The following EPHA6 variants were observed in gnomAD, a reference collection of about 807,000 sequenced individuals.
The protein encoded by EPHA6 is ephrin type-A receptor 6.
In EPHA6, 50 loss-of-function variants were observed where a neutral mutation model predicts 112.0. The ratio of observed to expected loss-of-function variants is 0.45; its 90% confidence interval spans 0.36 to 0.56. The LOEUF (loss-of-function observed/expected upper bound fraction) is 0.56, where lower values mean the gene tolerates loss of function less well. Among genes scored for constraint, EPHA6 ranks in the 20% least tolerant of loss-of-function variants. The pLI is 0.00. For missense variants in EPHA6, 1,280 were observed against 1,417.4 expected, an observed-to-expected ratio of 0.90 and a Z score of 1.56; for synonymous variants, 529 against 490.7, an observed-to-expected ratio of 1.08 and a Z score of -1.03.
intron 11 of EPHA6, among the ~76,000 whole-genome samples, chr3:97,589,019 T>C (rs1281585901): frequency 6.6e-6 from 1 of 152,200 alleles, no homozygotes; most frequent in Non-Finnish European, 1.5e-5. Flanking sequence ...AGATATTTTG[T>C]TTCCCAGAGT....
intron 5 of EPHA6, among the ~76,000 whole-genome samples, chr3:97,250,158 G>A (rs1183458326): frequency 3.3e-5 from 5 of 152,168 alleles, no homozygotes; most frequent in Admixed American, 6.5e-5. Context: ...GCAGGAATAC[G>A]TCTGGAAAGT....
chr3:97,325,880 A>G (rs2082396341), intron 5 of EPHA6, among the ~76,000 whole-genome samples: 1 of 152,034 alleles, frequency 6.6e-6, no homozygotes, highest in African/African-American at 2.4e-5. Context: ...TGGAATTTTA[A>G]CCTAGGAATC....
intron 3 of EPHA6, among the ~76,000 whole-genome samples, chr3:97,021,951 G>C (rs2044476334): frequency 6.6e-6 from 1 of 152,022 alleles, no homozygotes; most frequent in African/African-American, 2.4e-5. Context: ...CTCAACTATT[G>C]CTTAATCACA....
intron 14 of EPHA6, among the ~76,000 whole-genome samples, chr3:97,685,834 A>G (rs2032205340): frequency 6.6e-6 from 1 of 152,228 alleles, no homozygotes; most frequent in African/African-American, 2.4e-5. Context: ...AACCATGGAG[A>G]AAACCAAGTA....
intron 2 of EPHA6, among the ~76,000 whole-genome samples, chr3:96,924,243 T>C (rs1282362200): frequency 2.0e-5 from 3 of 152,212 alleles, no homozygotes; most frequent in African/African-American, 7.2e-5. Context: ...TTGGGAGATA[T>C]GGCCATTTTC....
At chr3:97,105,280 T>TCCCTCTTAACACTGTCTTAGC (rs1334385554) in intron 3 of EPHA6, among the ~76,000 whole-genome samples, 7 of 152,088 alleles carry the variant, frequency 4.6e-5, no homozygotes, top group Non-Finnish European at 8.8e-5. Context: ...GCTATAAACG[T>TCCCTCTTAACACTGTCTTAGC]CCCTCTTAAC....
rs6790690 is a variant in EPHA6, at chr3:97,524,448, T to A, written c.2201-7910T>A. ...TATATTGTGTATGCTAACCCATTGT[T>A]TATAGCTATAATTGTTTAAATACAT... On this transcript the variant is annotated intron_variant, in intron 10 of 17. Coordinates refer to ENST00000389672, the MANE Select transcript of EPHA6 (RefSeq NM_001080448.3). Among the ~76,000 whole-genome samples, 1,211 of 152,226 alleles carry A rather than the reference T, an allele frequency of 8.0e-3. 18 individuals carry two copies. Among genetic ancestry groups the A allele is most frequent in the African/African-American group, 0.028 (1,158 of 41,584 alleles).
Position 97,546,138 on chromosome 3 carries a change from T to C in EPHA6, c.2386+13595T>C, listed in dbSNP as rs7429484. ...TTAGCTGGTTATTTTGCTCATTAGT[T>C]GATGCAGTTTCTTCCTAGCCTTGAT... On this transcript the variant is annotated intron_variant, in intron 11 of 17. Transcript: ENST00000389672. Among the ~76,000 whole-genome samples, 898 of 152,350 alleles carry C rather than the reference T, an allele frequency of 5.9e-3. 13 individuals are homozygous for C. Among genetic ancestry groups the C allele is most frequent in the African/African-American group, 0.021 (861 of 41,574 alleles).
chr3:97,333,354 G>C (rs950273974), intron 5 of EPHA6, among the ~76,000 whole-genome samples: 3 of 151,448 alleles, frequency 2.0e-5, no homozygotes, highest in African/African-American at 7.3e-5. Context: ...TCATTTTAGG[G>C]GTTTATTTTT....
At chr3:97,204,038 T>C (rs1421306737) in intron 3 of EPHA6, among the ~76,000 whole-genome samples, 1 of 151,998 alleles carries the variant, frequency 6.6e-6, no homozygotes, top group African/African-American at 2.4e-5. Context: ...TGATGAAAGG[T>C]TGTATAATTA....
intron 3 of EPHA6, among the ~76,000 whole-genome samples, chr3:97,034,469 T>C (rs1316779222): frequency 1.3e-5 from 2 of 151,932 alleles, no homozygotes; most frequent in African/African-American, 2.4e-5. Flanking sequence ...GAAAACACCA[T>C]TGTGAGCAGT....
chr3:97,477,465 G>GGGGAT (rs2091408572), intron 8 of EPHA6, among the ~76,000 whole-genome samples: 1 of 149,372 alleles, frequency 6.7e-6, no homozygotes, highest in Non-Finnish European at 1.5e-5. Flanking sequence ...GGGGAGGGGA[G>GGGGAT]GGGAGGAAGG....
chr3:97,243,810 T>A (rs890906176), intron 4 of EPHA6, 142 bp from the exon 5 acceptor site: 21 of 619,626 alleles, frequency 3.4e-5, no homozygotes, highest in South Asian at 1.2e-4. Flanking sequence ...ATTTTAACCA[T>A]GTGATCATTA....
At chr3:96,822,550 T>G (rs1018034453) in intron 1 of EPHA6, among the ~76,000 whole-genome samples, 3 of 151,926 alleles carry the variant, frequency 2.0e-5, no homozygotes, top group Admixed American at 1.3e-4. Flanking sequence ...ACGTACTTTT[T>G]GATCAGAGGA....
chr3:97,382,576 T>A (rs116668508), intron 5 of EPHA6, among the ~76,000 whole-genome samples: 1 of 152,068 alleles, frequency 6.6e-6, no homozygotes. Context: ...TAGTGCTCAA[T>A]TGATGTGCTC....
At chr3:97,133,277 T>G (rs932218149) in intron 3 of EPHA6, among the ~76,000 whole-genome samples, 2 of 152,040 alleles carry the variant, frequency 1.3e-5, no homozygotes, top group African/African-American at 4.8e-5. Context: ...CAGTCAATGT[T>G]TGACAAAAAT....
intron 1 of EPHA6, among the ~76,000 whole-genome samples, chr3:96,850,116 A>T (rs2035295573): frequency 6.6e-6 from 1 of 152,150 alleles, no homozygotes; most frequent in South Asian, 2.1e-4. Context: ...TCCAGTTTCA[A>T]CTATTGTAAG....
intron 11 of EPHA6, among the ~76,000 whole-genome samples, chr3:97,549,105 T>A (rs2092996196): frequency 6.6e-6 from 1 of 152,230 alleles, no homozygotes; most frequent in Admixed American, 6.5e-5. Context: ...ATGTTACTGG[T>A]TTGTGTATTA....
intron 3 of EPHA6, among the ~76,000 whole-genome samples, chr3:97,179,399 G>A (rs1416250639): frequency 6.6e-6 from 1 of 151,924 alleles, no homozygotes; most frequent in Non-Finnish European, 1.5e-5. Context: ...TGAGGTCATG[G>A]TTTCCTGGTT....
Sources: allele counts gnomAD v4.1 joint callset (sites outside exome capture counted in the v4.1 genomes callset), GRCh38; gene constraint gnomAD v4.1.1; transcripts MANE v1.5; gene names NCBI Gene and HGNC (gene_info 2026-07-23, HGNC 2026-07-21).